The following CHD7 variants were observed in gnomAD, a reference collection of about 807,000 sequenced individuals.
The protein encoded by CHD7 is chromodomain helicase DNA binding protein 7.
A neutral mutation model predicts 307.3 loss-of-function variants in CHD7; 24 were observed. The ratio of observed to expected loss-of-function variants is 0.08; its 90% CI spans 0.06 to 0.11. The LOEUF (loss-of-function observed/expected upper bound fraction) is 0.11, where lower values mean the gene tolerates loss of function less well. Ranked by LOEUF, CHD7 falls within the 10% of genes least tolerant of loss-of-function variation. CHD7 has a pLI of 1.00. For missense variants in CHD7, 3,106 were observed against 3,727.1 expected (o/e 0.83, Z 4.34); for synonymous variants, 1,363 against 1,349.9 (o/e 1.01, Z -0.21).
chr8:60,804,975 A>C (rs1461621998), intron 6 of CHD7, among the ~76,000 whole-genome samples: 1 of 152,238 alleles, frequency 6.6e-6, no homozygotes, highest in Non-Finnish European at 1.5e-5. Flanking sequence ...TTTAATTCAT[A>C]ATATTACTGG....
chr8:60,850,961 TCCTA>T, intron 26 of CHD7, 67 bp from the exon 27 acceptor site: 1 of 1,102,572 alleles, frequency 9.1e-7, no homozygotes. Context: ...TATTACTCTT[TCCTA>T]CCCACCCCCC....
rs1563643161 is a variant in CHD7 at position 60,836,077 on chromosome 8, T to C, written c.3783T>C (p.Ala1261=). The C allele has an allele frequency of 6.2e-7, 1 of 1,608,630 alleles. No individual in the cohort carries two copies. The highest frequency in any genetic ancestry group is 8.5e-7 in the Non-Finnish European group (1 of 1,177,284). Residue 1261 remains alanine, a synonymous_variant, in exon 16 of 38, where the codon GCT becomes GCC. Transcript: ENST00000423902. The stretch of plus-strand genomic sequence containing the variant: ...TATGCTGTCCAATCTCTGCAGGTGC[T>C]GAAGAGAAAATTTTGGAAGAGTTTA... The part of the protein sequence containing the change: ...CCNHPYLING[A]EEKILEEFKE...
chr8:60,743,679 T>G (rs576856972), intron 2 of CHD7, among the ~76,000 whole-genome samples: 53 of 152,356 alleles, frequency 3.5e-4, no homozygotes, highest in African/African-American at 1.2e-3. Flanking sequence ...TCTAAAAGAT[T>G]TGGATACCCA....
At chr8:60,769,754 C>A (rs1235972593) in intron 2 of CHD7, among the ~76,000 whole-genome samples, 2 of 151,994 alleles carry the variant, frequency 1.3e-5, no homozygotes, top group East Asian at 3.9e-4. Context: ...TTTTGTGATT[C>A]TAATACTGTG....
chr8:60,840,239 TCTC>T (rs1207441096), intron 19 of CHD7, among the ~76,000 whole-genome samples: 1 of 152,220 alleles, frequency 6.6e-6, no homozygotes, highest in African/African-American at 2.4e-5. Flanking sequence ...GAAAGGCTCT[TCTC>T]CTGTGGGTTT....
chr8:60,680,897 C>T (rs540754576), intron 1 of CHD7, among the ~76,000 whole-genome samples: 117 of 152,208 alleles, frequency 7.7e-4, no homozygotes, highest in African/African-American at 2.7e-3. Context: ...CTTTTGGGGG[C>T]TTAATTTCTG....
At chr8:60,718,675 T>C (rs1361207139) in intron 1 of CHD7, among the ~76,000 whole-genome samples, 4 of 152,204 alleles carry the variant, frequency 2.6e-5, no homozygotes, top group Non-Finnish European at 5.9e-5. Flanking sequence ...CAGATAAATT[T>C]ATTGAAGAAA....
chr8:60,792,033 T>G (rs932656710), intron 3 of CHD7, among the ~76,000 whole-genome samples: 1 of 152,230 alleles, frequency 6.6e-6, no homozygotes, highest in African/African-American at 2.4e-5. Flanking sequence ...TTTTCTCATT[T>G]AAACCTCATA....
In CHD7 at chr8:60,741,522, G is replaced by A. The variant is rs374464240; in HGVS notation, c.90G>A (p.Pro30=). The change falls in exon 2 of 38, where the codon CCG becomes CCA. Residue 30 remains proline, a synonymous_variant. Coordinates refer to ENST00000423902, the MANE Select transcript of CHD7 (RefSeq NM_017780.4). ...AAGGCCTCGGAGAATGTGGTTACCC[G>A]GAAAATCCAGTAAATCCTATGGGTC... is the stretch of plus-strand genomic sequence containing the variant. ...GLEGLGECGY[P]ENPVNPMGQQ... The A allele has an allele frequency of 1.1e-4, 170 of 1,613,034 alleles. 1 individual carries two copies. In the East Asian group the frequency reaches 1.2e-3, roughly 11 times the overall value.
At chr8:60,848,450 A>G (rs1426495008) in intron 23 of CHD7, 65 bp from the exon 24 acceptor site, 7 of 1,156,608 alleles carry the variant, frequency 6.1e-6, no homozygotes, top group African/African-American at 1.5e-5. Context: ...GCAGCTGCCA[A>G]AAGCCACTGT....
chr8:60,773,555 C>T (rs950329301), intron 2 of CHD7, among the ~76,000 whole-genome samples: 8 of 152,166 alleles, frequency 5.3e-5, no homozygotes, highest in Non-Finnish European at 7.3e-5. Context: ...AAGTGCAAGC[C>T]TGTGACTTCA....
intron 2 of CHD7, among the ~76,000 whole-genome samples, chr8:60,751,117 G>T (rs1436479757): frequency 2.0e-5 from 3 of 152,314 alleles, no homozygotes; most frequent in African/African-American, 7.2e-5. Flanking sequence ...TGTCTGAAAG[G>T]TGGATTACAG....
intron 1 of CHD7, among the ~76,000 whole-genome samples, chr8:60,695,130 A>G (rs1586173416): frequency 6.6e-6 from 1 of 152,178 alleles, no homozygotes; most frequent in East Asian, 1.9e-4. Context: ...CCTCCTTTCG[A>G]GAGAAGTAAG....
chr8:60,826,955 C>T (rs538464778), intron 13 of CHD7, among the ~76,000 whole-genome samples: 19 of 152,296 alleles, frequency 1.2e-4, no homozygotes, highest in South Asian at 2.1e-4. Context: ...TAAGCTCCAT[C>T]GCCTGAGTTT....
At chr8:60,789,096 C>T (rs977976131) in intron 3 of CHD7, among the ~76,000 whole-genome samples, 2 of 152,176 alleles carry the variant, frequency 1.3e-5, no homozygotes, top group African/African-American at 4.8e-5. Context: ...AAATGCTCTG[C>T]TCTTAAGTTG....
chr8:60,808,326 A>C, intron 7 of CHD7, 54 bp downstream of exon 7: 1 of 1,064,202 alleles, frequency 9.4e-7, no homozygotes, highest in South Asian at 1.5e-5. Flanking sequence ...CCAAGTAGTA[A>C]ACGACCATTT....
chr8:60,747,670 T>A (rs1172516453), intron 2 of CHD7, among the ~76,000 whole-genome samples: 1 of 152,164 alleles, frequency 6.6e-6, no homozygotes, highest in East Asian at 1.9e-4. Flanking sequence ...CATGTAGAAA[T>A]AGTTCTGGTC....
intron 7 of CHD7, among the ~76,000 whole-genome samples, chr8:60,812,348 G>A (rs1313337274): frequency 1.3e-5 from 2 of 151,948 alleles, no homozygotes; most frequent in South Asian, 2.1e-4. Context: ...TTTTTCAATT[G>A]TTGTTCTAGC....
chr8:60,852,109 C>G lies in CHD7; in HGVS notation c.5756C>G (p.Ala1919Gly), dbSNP rs780114797. The G allele has an allele frequency of 6.2e-7, 1 of 1,614,004 alleles. No homozygotes were observed. Among genetic ancestry groups the G allele is most frequent in the South Asian group, 1.1e-5 (1 of 91,082 alleles). Residue 1919 changes from alanine to glycine, a missense_variant, in exon 29 of 38, where the codon GCC becomes GGC. This residue lies in a region of CHD7 where 1,030 missense variants were observed against 1,165.4 expected (regional missense o/e 0.88). Transcript: ENST00000423902. ...LTTRLRRLITAYQRSYKRQQM... is the reference protein window; with the variant it reads ...LTTRLRRLITGYQRSYKRQQM... The stretch of plus-strand genomic sequence containing the variant: ...ACACGTCTGCGCCGGCTCATTACTG[C>G]CTATCAGCGCAGCTATAAAAGGCAA...
Sources: allele counts gnomAD v4.1 joint callset (sites outside exome capture counted in the v4.1 genomes callset), GRCh38; gene constraint gnomAD v4.1.1; regional missense constraint gnomAD v4.1.1; transcripts MANE v1.5; gene names NCBI Gene and HGNC (gene_info 2026-07-23, HGNC 2026-07-21).